GREB1L: variants seen among roughly 807,000 people sequenced by gnomAD.
GREB1L encodes GREB1 like retinoic acid receptor coactivator, also known as GREB1-like protein.
A neutral mutation model predicts 200.8 loss-of-function variants in GREB1L; 17 were observed. That is an observed-to-expected ratio of 0.08 (90% CI 0.06 to 0.13). GREB1L has a LOEUF of 0.13. GREB1L is among the 10% of genes least tolerant of loss of function. The pLI is 1.00. For synonymous variants in GREB1L, 789 were observed against 893.0 expected (o/e 0.88, Z 2.08); for missense variants, 1,657 against 2,367.7 (o/e 0.70, Z 6.23).
intron 1 of GREB1L, among the ~76,000 whole-genome samples, chr18:21,275,875 AGTTGAATGTGACGTC>A (rs1446833118): frequency 3.3e-5 from 5 of 152,152 alleles, no homozygotes; most frequent in South Asian, 2.1e-4. Context: ...ACAGTGACGG[AGTTGAATGTGACGTC>A]GTTGAATGTG....
At chr18:21,316,722 G>A (rs2038874084) in intron 1 of GREB1L, among the ~76,000 whole-genome samples, 1 of 145,722 alleles carries the variant, frequency 6.9e-6, no homozygotes, top group African/African-American at 2.5e-5. Context: ...ATACAAAGTT[G>A]TATTGTCACC....
chr18:21,351,466 G>A (rs1303051931), intron 1 of GREB1L, among the ~76,000 whole-genome samples: 4 of 151,948 alleles, frequency 2.6e-5, no homozygotes, highest in Admixed American at 6.6e-5. Flanking sequence ...CCAGCTCTTC[G>A]GGAGGCTGAG....
At chr18:21,303,896 C>T (rs11874318) in intron 1 of GREB1L, among the ~76,000 whole-genome samples, 12 of 151,916 alleles carry the variant, frequency 7.9e-5, no homozygotes, top group Non-Finnish European at 1.8e-4. Context: ...GTAAAGTAAA[C>T]GAGGGTCAAT....
intron 1 of GREB1L, among the ~76,000 whole-genome samples, chr18:21,336,251 C>G (rs1478347408): frequency 1.3e-5 from 2 of 152,184 alleles, no homozygotes; most frequent in Non-Finnish European, 2.9e-5. Flanking sequence ...CTTCTTCCCT[C>G]TTACTTAAAT....
chr18:21,518,340 T>C, intron 31 of GREB1L, 106 bp downstream of exon 31: 1 of 1,068,758 alleles, frequency 9.4e-7, no homozygotes, highest in East Asian at 2.6e-5. Context: ...TCAATCAAGA[T>C]GCCAGTCTGG....
chr18:21,374,436 C>T (rs938619360), intron 2 of GREB1L, among the ~76,000 whole-genome samples: 1 of 152,136 alleles, frequency 6.6e-6, no homozygotes, highest in African/African-American at 2.4e-5. Flanking sequence ...AGGCATTAGG[C>T]CACTACAATC....
chr18:21,521,327 C>T (rs1041785227), intron 32 of GREB1L, among the ~76,000 whole-genome samples: 5 of 151,390 alleles, frequency 3.3e-5, no homozygotes, highest in South Asian at 2.1e-4. Flanking sequence ...GCCAAGATCA[C>T]GCCATTGCAC....
At chr18:21,324,157 G>T (rs1297190593) in intron 1 of GREB1L, among the ~76,000 whole-genome samples, 1 of 152,158 alleles carries the variant, frequency 6.6e-6, no homozygotes, top group Non-Finnish European at 1.5e-5. Context: ...TATTTGAATT[G>T]TTGGAAAATT....
chr18:21,517,983 T>A (rs2037479753), intron 30 of GREB1L, 51 bp from the exon 31 acceptor site: 1 of 1,402,102 alleles, frequency 7.1e-7, no homozygotes, highest in African/African-American at 1.4e-5. Flanking sequence ...CCTCACCTGT[T>A]TAATCCAGTG....
intron 17 of GREB1L, among the ~76,000 whole-genome samples, chr18:21,484,419 C>T (rs1476059112): frequency 3.3e-5 from 5 of 152,022 alleles, no homozygotes; most frequent in African/African-American, 1.2e-4. Context: ...GGTTTACGGG[C>T]GTGAGCCACT....
Position 21,468,679 on chromosome 18 carries a change from G to C in GREB1L, c.2183-4352G>C, listed in dbSNP as rs570529613. ...TCAGTGCCAGAATGATACTGTTAACGAAAGATCTCACCAATCTTTCTCTTC... is the reference window on the plus strand; with the variant it reads ...TCAGTGCCAGAATGATACTGTTAACCAAAGATCTCACCAATCTTTCTCTTC... On this transcript the variant is annotated intron_variant, in intron 15 of 32. Coordinates refer to ENST00000424526, the MANE Select transcript of GREB1L (RefSeq NM_001142966.3). 1,498 of 456,356 alleles carry C rather than the reference G, an allele frequency of 3.3e-3. 40 individuals are homozygous for C. The highest frequency in any genetic ancestry group is 0.023 in the South Asian group (1,453 of 64,450). The allele number at this position is 456,356 out of a possible 1,614,324, so 28.3% of individuals were successfully genotyped here.
chr18:21,340,602 G>T (rs1190254564), intron 1 of GREB1L, among the ~76,000 whole-genome samples: 1 of 150,370 alleles, frequency 6.7e-6, no homozygotes, highest in Non-Finnish European at 1.5e-5. Context: ...GAGTGCAATG[G>T]CACAATCTCA....
chr18:21,394,877 C>T (rs776872030), intron 4 of GREB1L, among the ~76,000 whole-genome samples: 4 of 146,612 alleles, frequency 2.7e-5, no homozygotes, highest in African/African-American at 5.1e-5. Flanking sequence ...GGGTGGATCA[C>T]GAGGTCAGGA....
At chr18:21,494,776 A>C (rs1568057532) in intron 19 of GREB1L, among the ~76,000 whole-genome samples, 1 of 152,240 alleles carries the variant, frequency 6.6e-6, no homozygotes, top group Non-Finnish European at 1.5e-5. Context: ...AAAGCAGTAG[A>C]AACCACCTTA....
chr18:21,289,129 G>C (rs2038406080), intron 1 of GREB1L, among the ~76,000 whole-genome samples: 1 of 152,146 alleles, frequency 6.6e-6, no homozygotes, highest in African/African-American at 2.4e-5. Flanking sequence ...ATTAGAGGCT[G>C]AGCTACCCTT....
In GREB1L at chr18:21,516,614, T is replaced by C. The variant is rs1269631416; in HGVS notation, c.5131T>C (p.Tyr1711His). 1 of 1,551,260 alleles carries C rather than the reference T, an allele frequency of 6.4e-7. No homozygotes were observed. The highest frequency in any genetic ancestry group is 8.7e-7 in the Non-Finnish European group (1 of 1,146,746). ...TQNVQYDFNR[Y>H]FCEDADFNLR... ...ACTATTGTTGTGGTTACAATTTAGGTATTTCTGTGAAGATGCTGACTTTAA... is the reference window on the plus strand; with the variant it reads ...ACTATTGTTGTGGTTACAATTTAGGCATTTCTGTGAAGATGCTGACTTTAA... Residue 1711 changes from tyrosine (Y) to histidine (H), a missense_variant and splice_region_variant, in exon 30 of 33, where the codon TAT (tyrosine) becomes CAT (histidine). By Grantham distance (83) the Tyr-to-His change is moderately conservative. Transcript: ENST00000424526.
At chr18:21,432,708 T>TC (rs1555646345) in intron 7 of GREB1L, among the ~76,000 whole-genome samples, 5 of 140,488 alleles carry the variant, frequency 3.6e-5, no homozygotes, top group African/African-American at 8.0e-5. Context: ...TTTTTTTCTT[T>TC]TTTTTTTTTT....
intron 17 of GREB1L, among the ~76,000 whole-genome samples, chr18:21,484,165 C>CAT (rs1365626759): frequency 1.4e-4 from 21 of 149,700 alleles, no homozygotes; most frequent in South Asian, 2.1e-4. Flanking sequence ...TACATACATA[C>CAT]ATATATATAT....
chr18:21,271,132 A>T (rs943418248), intron 1 of GREB1L, among the ~76,000 whole-genome samples: 9 of 152,222 alleles, frequency 5.9e-5, no homozygotes, highest in Non-Finnish European at 1.0e-4. Context: ...GATGACAAAC[A>T]ATGAAGTGTG....
Sources: allele counts gnomAD v4.1 joint callset (sites outside exome capture counted in the v4.1 genomes callset), GRCh38; gene constraint gnomAD v4.1.1; transcripts MANE v1.5; gene names NCBI Gene and HGNC (gene_info 2026-07-23, HGNC 2026-07-21).